The following IGSF10 variants were observed in gnomAD, a reference collection of about 807,000 sequenced individuals.
The protein encoded by IGSF10 is calvaria mechanical force protein 608.
Under a neutral mutation model 128.2 loss-of-function variants are expected in IGSF10, and 126 were observed. That is an observed-to-expected ratio of 0.98 (90% CI 0.85 to 1.14). IGSF10 has a LOEUF of 1.14. Among genes scored for constraint, IGSF10 ranks in the 50% most tolerant of loss-of-function variants. The pLI, the probability that IGSF10 is intolerant of heterozygous loss-of-function variation, is 0.00. For synonymous variants in IGSF10, 1,185 were observed against 1,146.2 expected, an observed-to-expected ratio of 1.03 and a Z score of -0.68; for missense variants, 3,295 against 3,149.8, an observed-to-expected ratio of 1.05 and a Z score of -1.10.
chr3:151,522,179 G>C, the IGSF10 span, among the ~76,000 whole-genome samples: 810 of 152,046 alleles, frequency 5.3e-3, 7 homozygotes, highest in African/African-American at 0.018. Context: ...CTAATAATGA[G>C]ATCAAAAATC....
the IGSF10 span, among the ~76,000 whole-genome samples, chr3:151,584,305 T>C: frequency 6.6e-6 from 1 of 152,216 alleles, no homozygotes; most frequent in Non-Finnish European, 1.5e-5. Context: ...CATCTTTCCG[T>C]ACCCTTTTTA....
the IGSF10 span, among the ~76,000 whole-genome samples, chr3:151,501,205 T>A: frequency 2.6e-5 from 4 of 152,056 alleles, no homozygotes; most frequent in African/African-American, 7.2e-5. Context: ...GGACTTTTTA[T>A]TTTTTATTTT....
the IGSF10 span, among the ~76,000 whole-genome samples, chr3:151,516,875 T>G: frequency 3.9e-5 from 6 of 152,100 alleles, no homozygotes; most frequent in Non-Finnish European, 8.8e-5. Context: ...AACAGTTGCT[T>G]TAATGCAGTA....
chr3:151,435,831 A>T (rs985841111), downstream of IGSF10: 1 of 151,986 alleles, frequency 6.6e-6, no homozygotes, highest in East Asian at 1.9e-4. Context: ...TTCATTATAT[A>T]TAATAGACCT....
the IGSF10 span, among the ~76,000 whole-genome samples, chr3:151,535,722 A>G: frequency 6.6e-6 from 1 of 152,222 alleles, no homozygotes; most frequent in African/African-American, 2.4e-5. Context: ...AAATCTTTCA[A>G]TTCTAATTAT....
the IGSF10 span, among the ~76,000 whole-genome samples, chr3:151,525,811 C>A: frequency 6.6e-6 from 1 of 152,180 alleles, no homozygotes; most frequent in Admixed American, 6.5e-5. Flanking sequence ...CAGGGATAAT[C>A]TCCCTTCCGA....
chr3:151,535,993 A>C, the IGSF10 span, among the ~76,000 whole-genome samples: 1 of 152,108 alleles, frequency 6.6e-6, no homozygotes, highest in Admixed American at 6.6e-5. Context: ...GCAGACTTTC[A>C]TATGTTTGCA....
At chr3:151,532,379 G>T in the IGSF10 span, among the ~76,000 whole-genome samples, 8 of 152,164 alleles carry the variant, frequency 5.3e-5, no homozygotes, top group South Asian at 1.5e-3. Flanking sequence ...AACAAAAAAA[G>T]AAAATTTCAG....
At chr3:151,600,094 C>T in the IGSF10 span, among the ~76,000 whole-genome samples, 8 of 152,158 alleles carry the variant, frequency 5.3e-5, no homozygotes, top group Non-Finnish European at 1.2e-4. Flanking sequence ...AGATCAATAA[C>T]ATTAATGCAT....
the IGSF10 span, among the ~76,000 whole-genome samples, chr3:151,577,323 A>G: frequency 6.6e-6 from 1 of 152,200 alleles, no homozygotes; most frequent in African/African-American, 2.4e-5. Context: ...ATTTGGGATT[A>G]TAGCCCATGT....
At chr3:151,486,282 T>C in the IGSF10 span, among the ~76,000 whole-genome samples, 571 of 152,232 alleles carry the variant, frequency 3.8e-3, 2 homozygotes, top group African/African-American at 0.012. Context: ...ATCCTACATA[T>C]ATATGCACCC....
chr3:151,596,951 T>C, the IGSF10 span, among the ~76,000 whole-genome samples: 21 of 151,908 alleles, frequency 1.4e-4, no homozygotes, highest in Non-Finnish European at 2.5e-4. Flanking sequence ...TTCCACACTC[T>C]GCCAGTAGTT....
rs1165658995 is a variant in IGSF10, at chr3:151,453,591, G to C, written c.508C>G (p.Pro170Ala). The C allele has an allele frequency of 1.3e-5, 21 of 1,613,760 alleles. No individual in the cohort carries two copies. The highest frequency in any genetic ancestry group is 1.8e-5 in the Non-Finnish European group (21 of 1,179,796). ...TAGCTCAAAGAGACAAATGTATCTG[G>C]GTGGAGCTTAGTGAGCTGATTTCCT... ...LEGNQLTKLH[P>A]DTFVSLSYLQ... is the part of the protein sequence containing the mutation. Residue 170 changes from proline to alanine, a missense_variant, in exon 5 of 8, where the codon CCA becomes GCA. Coordinates refer to ENST00000282466, the MANE Select transcript of IGSF10 (RefSeq NM_178822.5).
chr3:151,493,911 G>C, the IGSF10 span, among the ~76,000 whole-genome samples: 1 of 151,902 alleles, frequency 6.6e-6, no homozygotes, highest in East Asian at 1.9e-4. Flanking sequence ...TGACAAGTAT[G>C]TATTTGTTGT....
the IGSF10 span, among the ~76,000 whole-genome samples, chr3:151,501,995 C>T: frequency 6.6e-6 from 1 of 151,976 alleles, no homozygotes; most frequent in Admixed American, 6.6e-5. Context: ...TCACTTTTTA[C>T]AGACCTAAAA....
chr3:151,441,880 T>C (rs1720873307), intron 7 of IGSF10, among the ~76,000 whole-genome samples: 1 of 152,094 alleles, frequency 6.6e-6, no homozygotes, highest in Admixed American at 6.6e-5. Flanking sequence ...GCTAACATGG[T>C]GAAACTCCGT....
the IGSF10 span, among the ~76,000 whole-genome samples, chr3:151,519,493 G>T: frequency 1.3e-5 from 2 of 151,652 alleles, no homozygotes; most frequent in Non-Finnish European, 3.0e-5. Flanking sequence ...TTTTATTTAG[G>T]TTTAGTGGGA....
At chr3:151,449,352 C>G in intron 5 of IGSF10, 87 bp from the exon 6 acceptor site, 2 of 1,326,856 alleles carry the variant, frequency 1.5e-6, no homozygotes, top group Non-Finnish European at 1.0e-6. Flanking sequence ...TTGCTAGAAG[C>G]TGAAACAATT....
At chr3:151,440,396 A>T (rs937126) in intron 7 of IGSF10, among the ~76,000 whole-genome samples, 128,738 of 151,926 alleles carry the variant, frequency 0.85, 54,782 homozygotes, top group Middle Eastern at 0.97. Flanking sequence ...ATTAGAGAAA[A>T]TTTTTTTTTC....
Sources: allele counts gnomAD v4.1 joint callset (sites outside exome capture counted in the v4.1 genomes callset), GRCh38; gene constraint gnomAD v4.1.1; transcripts MANE v1.5; gene names NCBI Gene and HGNC (gene_info 2026-07-23, HGNC 2026-07-21).